The following HAL variants were observed in gnomAD, a reference collection of about 807,000 sequenced individuals.
The protein encoded by HAL is histidase.
A neutral mutation model predicts 81.1 loss-of-function variants in HAL; 85 were observed. The ratio of observed to expected loss-of-function variants is 1.05; its 90% CI spans 0.88 to 1.25. The LOEUF (loss-of-function observed/expected upper bound fraction) is 1.25, where lower values mean the gene tolerates loss of function less well. Among genes scored for constraint, HAL ranks in the 50% most tolerant of loss-of-function variants. The pLI is 0.00. For missense variants in HAL, 798 were observed against 836.6 expected (o/e 0.95, Z 0.57); for synonymous variants, 301 against 309.2 (o/e 0.97, Z 0.28).
chr12:95,979,013 A>G (rs1331764479), intron 17 of HAL, among the ~76,000 whole-genome samples: 1 of 152,222 alleles, frequency 6.6e-6, no homozygotes, highest in African/African-American at 2.4e-5. Flanking sequence ...CTTGGACCCT[A>G]AACTGTGGAC....
chr12:95,978,009 T>C lies in HAL; in HGVS notation c.1589A>G (p.Asp530Gly), dbSNP rs1461158069. The C allele has an allele frequency of 3.1e-6, 5 of 1,612,556 alleles. No individual in the cohort carries two copies. Among genetic ancestry groups the C allele is most frequent in the Middle Eastern group, 1.6e-4 (1 of 6,078 alleles). Residue 530 changes from aspartate (D) to glycine (G), a missense_variant, in exon 18 of 21, where the codon GAC becomes GGC. Transcript: ENST00000261208. Reference protein sequence around the residue: ...DSLSTSAATEDHVSMGGWAAR... With the variant: ...DSLSTSAATEGHVSMGGWAAR... ...TGCCCATCCTCCCATGGAGACGTGG[T>C]CCTCCGTGGCTGCGCTGGTGGAGAG...
intron 10 of HAL, among the ~76,000 whole-genome samples, chr12:95,988,791 C>T (rs1024012923): frequency 6.6e-6 from 1 of 152,028 alleles, no homozygotes; most frequent in Non-Finnish European, 1.5e-5. Flanking sequence ...GAGACAGAAT[C>T]CCGAGGGGGC....
intron 17 of HAL, among the ~76,000 whole-genome samples, chr12:95,979,720 C>T (rs1337771374): frequency 6.6e-6 from 1 of 152,102 alleles, no homozygotes; most frequent in Non-Finnish European, 1.5e-5. Context: ...AATTTGACAA[C>T]CCTATTTTAG....
At chr12:95,994,300 A>G (rs1005286431) in intron 4 of HAL, 136 bp from the exon 5 acceptor site, 1 of 773,442 alleles carries the variant, frequency 1.3e-6, no homozygotes. Flanking sequence ...CTAAATAAAA[A>G]TGCATCTTGC....
chr12:95,976,469 G>A lies in HAL; in HGVS notation c.1793C>T (p.Pro598Leu), dbSNP rs143935341. ...CAGCCTGTGGGCTGCCTCGATGTCC[G>A]GGGCCATGAAGCGATCTTTTATCCA... ...RPWIKDRFMA[P>L]DIEAAHRLLL... The change falls in exon 20 of 21, where the codon CCG becomes CTG. Residue 598 changes from proline (P) to leucine (L), a missense_variant. Coordinates refer to ENST00000261208, the MANE Select transcript of HAL (RefSeq NM_002108.4). The A allele has an allele frequency of 1.6e-4, 265 of 1,614,050 alleles. No individual in the cohort carries two copies. Among genetic ancestry groups the A allele is most frequent in the African/African-American group, 9.3e-5 (7 of 75,032 alleles).
At chr12:95,980,975 T>C in intron 15 of HAL, 112 bp from the exon 16 acceptor site, 2 of 769,020 alleles carry the variant, frequency 2.6e-6, no homozygotes, top group African/African-American at 1.7e-5. Flanking sequence ...AAATGTGGGG[T>C]GGAGGGAAAG....
chr12:95,973,804 G>C lies in HAL; in HGVS notation c.*428C>G, dbSNP rs186840501. 1.4e-3 allele frequency: 226 copies of C among 164,632 alleles called. No homozygotes were observed. The highest frequency in any genetic ancestry group is 2.4e-3 in the Non-Finnish European group (183 of 77,432). 10.2% of individuals were successfully genotyped at this position (164,632 alleles called of 1,614,324 possible). On this transcript the variant is annotated 3_prime_UTR_variant, in exon 21 of 21. Coordinates refer to ENST00000261208, the MANE Select transcript of HAL (RefSeq NM_002108.4). ...TAGCCAAAGAAAGTCAACTGGTGGA[G>C]AGCTTGTTGAAGCAAATTTAAAAAA...
At chr12:95,995,403 G>A (rs972579325) in intron 2 of HAL, among the ~76,000 whole-genome samples, 7 of 152,222 alleles carry the variant, frequency 4.6e-5, no homozygotes, top group Admixed American at 3.3e-4. Flanking sequence ...TCTAGTCTTT[G>A]TTACTTACTA....
Position 95,976,512 on chromosome 12 carries a change from A to G in HAL, c.1764-14T>C. On this transcript the variant is annotated splice_polypyrimidine_tract_variant and intron_variant, in intron 19 of 20. Transcript: ENST00000261208. ...TTTATCCAGGGCCTACAGGGAGAGC[A>G]CATCCGCCCATCAGCCAAACATGAA... 1 of 1,613,516 alleles carries G rather than the reference A, an allele frequency of 6.2e-7. No individual in the cohort carries two copies. Among genetic ancestry groups the G allele is most frequent in the Non-Finnish European group, 8.5e-7 (1 of 1,179,388 alleles).
intron 8 of HAL, 29 bp from the exon 9 acceptor site, chr12:95,992,834 A>G (rs201470921): frequency 1.9e-6 from 3 of 1,609,076 alleles, no homozygotes; most frequent in East Asian, 2.2e-5. Flanking sequence ...GTTTTCTCCA[A>G]GAAAAGCAAA....
In HAL at chr12:95,974,170, G is replaced by C. The variant is rs939490345; in HGVS notation, c.*62C>G. The C allele has an allele frequency of 1.4e-6, 2 of 1,431,704 alleles. No individual in the cohort carries two copies. The highest frequency in any genetic ancestry group is 2.8e-5 in the African/African-American group (2 of 71,426). 88.7% of individuals were successfully genotyped at this position (1,431,704 alleles called of 1,614,324 possible). A position where few individuals can be genotyped will look rare whatever the true frequency, so the allele number is the denominator to read the frequency against. ...GGAAAGTTCTCAGGTCTCTCCTTCA[G>C]CCTAGTATTGCTTTGTGCTAAACTG... is the stretch of plus-strand genomic sequence containing the variant. On this transcript the variant is annotated 3_prime_UTR_variant, in exon 21 of 21. Transcript: ENST00000261208.
chr12:95,985,807 T>C, intron 14 of HAL, 101 bp downstream of exon 14: 1 of 777,752 alleles, frequency 1.3e-6, no homozygotes, highest in Non-Finnish European at 2.2e-6. Flanking sequence ...ATTACATGTT[T>C]TTCTAACACT....
intron 18 of HAL, among the ~76,000 whole-genome samples, chr12:95,977,479 C>T (rs1372014020): frequency 6.6e-6 from 1 of 151,526 alleles, no homozygotes; most frequent in East Asian, 1.9e-4. Context: ...CCCATCTTTA[C>T]AAAAAATTTA....
intron 17 of HAL, among the ~76,000 whole-genome samples, chr12:95,979,346 T>G (rs572500750): frequency 5.5e-4 from 84 of 152,212 alleles, no homozygotes; most frequent in Non-Finnish European, 9.3e-4. Flanking sequence ...TTGTGTTCGT[T>G]GGGAATAATA....
chr12:95,978,969 A>G (rs548920046), intron 17 of HAL, among the ~76,000 whole-genome samples: 7 of 152,302 alleles, frequency 4.6e-5, no homozygotes, highest in African/African-American at 1.7e-4. Context: ...TTGGCCAAGG[A>G]CTTTCCAGGT....
In HAL at chr12:95,980,777, G is replaced by A. The variant is rs768628070; in HGVS notation, c.1353+21C>T. The A allele has an allele frequency of 2.4e-5, 38 of 1,593,008 alleles. No homozygotes were observed. The East Asian group carries it at 8.5e-4, about 36-fold the overall frequency. Reference sequence around the variant, plus strand: ...TATTGAAATGTGCCTTCTGGGTCAGGAGCAGTTTTAAAAAGCTTACTTTGG... The same window carrying A: ...TATTGAAATGTGCCTTCTGGGTCAGAAGCAGTTTTAAAAAGCTTACTTTGG... On this transcript the variant is annotated intron_variant, in intron 16 of 20. Transcript: ENST00000261208.
chr12:95,995,595 G>T, intron 2 of HAL, 69 bp downstream of exon 2: 1 of 1,597,860 alleles, frequency 6.3e-7, no homozygotes, highest in Non-Finnish European at 8.5e-7. Context: ...TGAGGTGGGG[G>T]TTCAATGCTG....
At chr12:95,984,076 T>C (rs1309006712) in intron 14 of HAL, 85 bp from the exon 15 acceptor site, 72 of 743,894 alleles carry the variant, frequency 9.7e-5, no homozygotes, top group Admixed American at 5.7e-5. Flanking sequence ...GAAGATCTTA[T>C]CTTAAAGTTA....
chr12:95,981,248 G>T (rs886814345), intron 15 of HAL, among the ~76,000 whole-genome samples: 1 of 152,190 alleles, frequency 6.6e-6, no homozygotes, highest in African/African-American at 2.4e-5. Context: ...AATGGGCACT[G>T]CAAATTTGTG....
Sources: allele counts gnomAD v4.1 joint callset (sites outside exome capture counted in the v4.1 genomes callset), GRCh38; gene constraint gnomAD v4.1.1; transcripts MANE v1.5; gene names NCBI Gene and HGNC (gene_info 2026-07-23, HGNC 2026-07-21).